The following PPP2R2B variants were observed in gnomAD, a reference collection of about 807,000 sequenced individuals.
PPP2R2B encodes the protein protein phosphatase 2 regulatory subunit Bbeta, also known as serine/threonine-protein phosphatase 2A 55 kDa regulatory subunit B beta isoform.
A neutral mutation model predicts 46.0 loss-of-function variants in PPP2R2B; 5 were observed. The ratio of observed to expected loss-of-function variants is 0.11; its 90% confidence interval spans 0.06 to 0.23. PPP2R2B has a LOEUF of 0.23. PPP2R2B is among the 10% of genes least tolerant of loss of function. The pLI, the probability that PPP2R2B is intolerant of heterozygous loss-of-function variation, is 1.00. For synonymous variants in PPP2R2B, 215 were observed against 206.7 expected, an observed-to-expected ratio of 1.04 and a Z score of -0.34; for missense variants, 367 against 575.0, an observed-to-expected ratio of 0.64 and a Z score of 3.70.
intron 1 of PPP2R2B, among the ~76,000 whole-genome samples, chr5:146,957,604 A>C (rs997819776): frequency 5.3e-5 from 8 of 152,162 alleles, no homozygotes; most frequent in African/African-American, 1.9e-4. Context: ...TTGGAGATAA[A>C]GTTAGAGGGC....
chr5:146,662,425 T>C (rs1349782296), intron 5 of PPP2R2B, among the ~76,000 whole-genome samples: 1 of 152,188 alleles, frequency 6.6e-6, no homozygotes, highest in Non-Finnish European at 1.5e-5. Flanking sequence ...ATTGTCTGAT[T>C]CCCAACCTTG....
At chr5:147,026,949 C>A (rs1325229123) in intron 1 of PPP2R2B, among the ~76,000 whole-genome samples, 1 of 152,168 alleles carries the variant, frequency 6.6e-6, no homozygotes, top group Non-Finnish European at 1.5e-5. Flanking sequence ...TACTCAGAGG[C>A]AATCAAAGCA....
chr5:146,744,099 T>C (rs747362759), intron 2 of PPP2R2B, among the ~76,000 whole-genome samples: 1 of 152,218 alleles, frequency 6.6e-6, no homozygotes, highest in African/African-American at 2.4e-5. Flanking sequence ...CTTACAAATA[T>C]ATCTTTAAAG....
chr5:146,698,941 A>G (rs1271403978), intron 3 of PPP2R2B, among the ~76,000 whole-genome samples: 5 of 152,114 alleles, frequency 3.3e-5, no homozygotes, highest in Non-Finnish European at 7.4e-5. Context: ...CAGAAACAGG[A>G]AGAAAAAGAA....
At chr5:146,725,840 C>G (rs1369960707) in intron 2 of PPP2R2B, among the ~76,000 whole-genome samples, 1 of 152,172 alleles carries the variant, frequency 6.6e-6, no homozygotes, top group East Asian at 1.9e-4. Flanking sequence ...TCACTAGACT[C>G]TAAAAGGGCA....
chr5:146,886,498 C>T (rs1468245091), intron 1 of PPP2R2B, among the ~76,000 whole-genome samples: 2 of 152,098 alleles, frequency 1.3e-5, no homozygotes, highest in East Asian at 1.9e-4. Flanking sequence ...ATCAATACAG[C>T]TGTTATTAAA....
At chr5:146,644,190 A>G (rs2151086118) in intron 6 of PPP2R2B, among the ~76,000 whole-genome samples, 1 of 151,372 alleles carries the variant, frequency 6.6e-6, no homozygotes, top group Non-Finnish European at 1.5e-5. Context: ...GTAATGCAAA[A>G]AAAAGTGGAT....
rs201836451 is a variant in PPP2R2B, at chr5:146,589,989, C to T, written c.1290G>A (p.Ala430=). The T allele has an allele frequency of 3.3e-5, 54 of 1,614,044 alleles. 1 individual carries two copies. The highest frequency in any genetic ancestry group is 1.8e-4 in the South Asian group (16 of 91,080). Residue 430 remains alanine, a synonymous_variant, in exon 10 of 10, where the codon GCG becomes GCA. Transcript: ENST00000394411. ...GGAATATATATAGGTTATTTGTAGC[C>T]GCCACTGCTATAATATTTTCTGAAG... ...WHPSENIIAV[A]ATNNLYIFQD...
intron 2 of PPP2R2B, among the ~76,000 whole-genome samples, chr5:146,823,428 A>G (rs1179358637): frequency 6.6e-6 from 1 of 151,776 alleles, no homozygotes; most frequent in Non-Finnish European, 1.5e-5. Context: ...TGATCTCCTG[A>G]CCTCGTGATC....
intron 2 of PPP2R2B, among the ~76,000 whole-genome samples, chr5:146,872,232 G>T (rs1295717629): frequency 6.6e-6 from 1 of 152,166 alleles, no homozygotes; most frequent in African/African-American, 2.4e-5. Flanking sequence ...ACTTGCTAGT[G>T]ATTTTCAATG....
rs536084830 is a variant in PPP2R2B, at chr5:146,869,421, A to G, written c.70+8581T>C. Among the ~76,000 whole-genome samples, 27 of 152,330 alleles carry G rather than the reference A, an allele frequency of 1.8e-4. No individual in the cohort carries two copies. The South Asian group carries it at 3.9e-3, about 22-fold the overall frequency. ...AGGGAACTACTAAATAAACTGTGGT[A>G]CTGTCATACTATGGAGCACCGTGCA... On this transcript the variant is annotated intron_variant, in intron 2 of 9. Transcript: ENST00000394411.
At chr5:146,594,933 C>T (rs1054142528) in intron 8 of PPP2R2B, among the ~76,000 whole-genome samples, 5 of 152,188 alleles carry the variant, frequency 3.3e-5, no homozygotes, top group East Asian at 3.8e-4. Flanking sequence ...TCTCTTCCTT[C>T]GACTCCAACA....
At chr5:146,892,740 A>G (rs1762527870) in intron 1 of PPP2R2B, among the ~76,000 whole-genome samples, 2 of 152,230 alleles carry the variant, frequency 1.3e-5, no homozygotes, top group Non-Finnish European at 2.9e-5. Context: ...AAAAAGCGTC[A>G]TGCTATAGCC....
chr5:146,986,160 C>T (rs1753420495), intron 1 of PPP2R2B, among the ~76,000 whole-genome samples: 2 of 152,152 alleles, frequency 1.3e-5, no homozygotes, highest in African/African-American at 2.4e-5. Context: ...CTGTACACTG[C>T]TCCCCCAAAC....
intron 1 of PPP2R2B, among the ~76,000 whole-genome samples, chr5:147,020,911 T>C (rs1157668258): frequency 6.6e-6 from 1 of 152,236 alleles, no homozygotes. Flanking sequence ...ACTGTATAAC[T>C]AAATTTTCCA....
intron 2 of PPP2R2B, among the ~76,000 whole-genome samples, chr5:146,804,163 T>C (rs1276773506): frequency 2.0e-5 from 3 of 149,820 alleles, no homozygotes; most frequent in Non-Finnish European, 3.0e-5. Context: ...GGAGACTCTG[T>C]CTCAAAAAAA....
intron 2 of PPP2R2B, among the ~76,000 whole-genome samples, chr5:146,739,790 G>A (rs1471637512): frequency 2.0e-5 from 3 of 152,134 alleles, no homozygotes; most frequent in African/African-American, 7.2e-5. Context: ...GGGCTCCTAT[G>A]TTTCTCTTTG....
chr5:146,986,550 A>C (rs913812909), intron 1 of PPP2R2B, among the ~76,000 whole-genome samples: 1 of 152,206 alleles, frequency 6.6e-6, no homozygotes, highest in African/African-American at 2.4e-5. Context: ...TTATCAGAGA[A>C]ATTTATCAAA....
intron 2 of PPP2R2B, among the ~76,000 whole-genome samples, chr5:146,865,215 GCAAA>G (rs986117030): frequency 3.3e-5 from 5 of 151,890 alleles, no homozygotes; most frequent in African/African-American, 7.2e-5. Context: ...TGGGGCAAAA[GCAAA>G]CAAACAAACC....
Sources: allele counts gnomAD v4.1 joint callset (sites outside exome capture counted in the v4.1 genomes callset), GRCh38; gene constraint gnomAD v4.1.1; transcripts MANE v1.5; gene names NCBI Gene and HGNC (gene_info 2026-07-23, HGNC 2026-07-21).